Variants in GPHN observed in about 807,000 individuals in gnomAD.
GPHN encodes gephyrin.
In GPHN, 17 loss-of-function variants were observed where a neutral mutation model predicts 95.5. The ratio of observed to expected loss-of-function variants is 0.18; its 90% CI spans 0.12 to 0.27. The LOEUF is 0.27. Among genes scored for constraint, GPHN ranks in the 10% least tolerant of loss-of-function variants. The probability of loss-of-function intolerance (pLI) is 1.00; values close to 1 mark genes in which losing one functional copy is unlikely to be tolerated. For missense variants in GPHN, 660 were observed against 978.1 expected (o/e 0.67, Z 4.34); for synonymous variants, 320 against 322.5 (o/e 0.99, Z 0.08).
At chr14:67,480,870 G>C in the GPHN span, among the ~76,000 whole-genome samples, 4 of 152,290 alleles carry the variant, frequency 2.6e-5, no homozygotes, top group African/African-American at 9.6e-5. Context: ...ACAGACGGGA[G>C]GGTCCAGTCT....
intron 8 of GPHN, among the ~76,000 whole-genome samples, chr14:66,945,274 A>C (rs1002645285): frequency 6.6e-6 from 1 of 152,220 alleles, no homozygotes; most frequent in Non-Finnish European, 1.5e-5. Flanking sequence ...GCCACCACAC[A>C]TGCGAGCTGA....
chr14:67,666,941 T>C, the GPHN span, among the ~76,000 whole-genome samples: 2 of 152,182 alleles, frequency 1.3e-5, no homozygotes, highest in Non-Finnish European at 2.9e-5. Context: ...TTCCTCTTTT[T>C]AGGGAGTTAG....
intron 6 of GPHN, among the ~76,000 whole-genome samples, chr14:66,920,695 G>A (rs1250146560): frequency 6.0e-5 from 9 of 150,894 alleles, no homozygotes; most frequent in Non-Finnish European, 1.3e-4. Flanking sequence ...ACCCTTCACC[G>A]AGAGGTATAC....
the GPHN span, chr14:67,616,788 A>G: frequency 6.6e-6 from 1 of 152,174 alleles, no homozygotes; most frequent in African/African-American, 2.4e-5. Context: ...CCTCATACAC[A>G]TATCCTGAAG....
chr14:67,374,849 G>A, the GPHN span, among the ~76,000 whole-genome samples: 4 of 152,016 alleles, frequency 2.6e-5, no homozygotes, highest in Admixed American at 1.3e-4. Context: ...AGTGATCCTT[G>A]AGCCTCAGCC....
chr14:66,625,365 G>A (rs1382848503), intron 1 of GPHN, among the ~76,000 whole-genome samples: 1 of 152,062 alleles, frequency 6.6e-6, no homozygotes, highest in Non-Finnish European at 1.5e-5. Flanking sequence ...GGGCCACCAT[G>A]CCCGGCCATT....
chr14:66,722,307 T>C (rs766133487), intron 2 of GPHN, among the ~76,000 whole-genome samples: 5 of 152,120 alleles, frequency 3.3e-5, no homozygotes, highest in Admixed American at 6.5e-5. Context: ...GCAGATTACT[T>C]AAAAACTGGG....
At chr14:67,426,637 G>A in the GPHN span, among the ~76,000 whole-genome samples, 2,270 of 152,208 alleles carry the variant, frequency 0.015, 53 homozygotes, top group African/African-American at 0.051. Flanking sequence ...GTGTAATGGC[G>A]TGATCTTGGC....
the GPHN span, among the ~76,000 whole-genome samples, chr14:67,378,124 TAAA>T: frequency 7.4e-6 from 1 of 134,274 alleles, no homozygotes; most frequent in African/African-American, 2.7e-5. Context: ...CCTTGTCTCT[TAAA>T]AAAAAAAAAA....
chr14:67,555,237 A>T, the GPHN span, among the ~76,000 whole-genome samples: 1 of 152,206 alleles, frequency 6.6e-6, no homozygotes, highest in African/African-American at 2.4e-5. Flanking sequence ...GAATTTTGAA[A>T]AATGTATCTT....
chr14:67,636,538 T>C, the GPHN span, among the ~76,000 whole-genome samples: 2 of 152,234 alleles, frequency 1.3e-5, no homozygotes, highest in East Asian at 1.9e-4. Context: ...TCACTAGCCC[T>C]GAAATAGAAG....
chr14:67,395,638 G>C, the GPHN span: 2 of 1,544,482 alleles, frequency 1.3e-6, no homozygotes, highest in Non-Finnish European at 1.8e-6. Context: ...AGAGGACGCC[G>C]GGCAGCAAAA....
chr14:67,279,446 A>C, the GPHN span: 1 of 1,613,418 alleles, frequency 6.2e-7, no homozygotes, highest in Non-Finnish European at 8.5e-7. Context: ...AACTAGCCCA[A>C]ATTCCTCCAA....
chr14:67,496,420 T>TTTTTTTTTTTC, the GPHN span, among the ~76,000 whole-genome samples: 2 of 124,176 alleles, frequency 1.6e-5, no homozygotes, highest in Non-Finnish European at 1.7e-5. Flanking sequence ...TTTTTTTTTT[T>TTTTTTTTTTTC]TGAGACAGGG....
chr14:67,620,690 T>C, the GPHN span, among the ~76,000 whole-genome samples: 51,486 of 151,868 alleles, frequency 0.34, 9,427 homozygotes, highest in African/African-American at 0.47. Context: ...GCCTAGCTCC[T>C]GGATCCTAAC....
At chr14:67,563,903 GTT>G in the GPHN span, among the ~76,000 whole-genome samples, 53 of 135,460 alleles carry the variant, frequency 3.9e-4, no homozygotes, top group Middle Eastern at 3.6e-3. Context: ...CCGGCTAACT[GTT>G]TTTTTTTTTT....
At chr14:67,053,469 T>G (rs949222155) in intron 10 of GPHN, among the ~76,000 whole-genome samples, 1 of 152,008 alleles carries the variant, frequency 6.6e-6, no homozygotes, top group Non-Finnish European at 1.5e-5. Flanking sequence ...AGGCAGTAAT[T>G]AATAGCCTAC....
intron 11 of GPHN, among the ~76,000 whole-genome samples, chr14:67,083,084 C>T (rs2076753212): frequency 6.6e-6 from 1 of 152,150 alleles, no homozygotes; most frequent in Non-Finnish European, 1.5e-5. Flanking sequence ...TGAGTAAGAC[C>T]TATATTTGTT....
chr14:66,939,752 A>G (rs1167024518), intron 8 of GPHN, among the ~76,000 whole-genome samples: 1 of 152,182 alleles, frequency 6.6e-6, no homozygotes, highest in Non-Finnish European at 1.5e-5. Flanking sequence ...ATAAGGATGA[A>G]TACCAATCTT....
Sources: allele counts gnomAD v4.1 joint callset (sites outside exome capture counted in the v4.1 genomes callset), GRCh38; gene constraint gnomAD v4.1.1; transcripts MANE v1.5; gene names NCBI Gene and HGNC (gene_info 2026-07-23, HGNC 2026-07-21).